The following NEBL variants were observed in gnomAD, a reference collection of about 807,000 sequenced individuals.
NEBL encodes nebulette.
A neutral mutation model predicts 140.2 loss-of-function variants in NEBL; 122 were observed. The ratio of observed to expected loss-of-function variants is 0.87; its 90% CI spans 0.75 to 1.01. The LOEUF (loss-of-function observed/expected upper bound fraction) is 1.01, where lower values mean the gene tolerates loss of function less well. Among genes scored for constraint, NEBL ranks in the 50% least tolerant of loss-of-function variants. The pLI is 0.00. For missense variants in NEBL, 1,365 were observed against 1,231.3 expected, an observed-to-expected ratio of 1.11 and a Z score of -1.62; for synonymous variants, 436 against 398.9, an observed-to-expected ratio of 1.09 and a Z score of -1.11.
intron 2 of NEBL, among the ~76,000 whole-genome samples, chr10:21,152,222 G>C (rs4748751): frequency 6.6e-6 from 1 of 152,064 alleles, no homozygotes; most frequent in East Asian, 1.9e-4. Context: ...ATTCTCTTTC[G>C]TGCTCATCTG....
At chr10:21,045,236 A>G (rs1047585782) in intron 2 of NEBL, among the ~76,000 whole-genome samples, 1 of 152,234 alleles carries the variant, frequency 6.6e-6, no homozygotes, top group African/African-American at 2.4e-5. Flanking sequence ...TAGAATCAAA[A>G]GAAAATGTAT....
intron 2 of NEBL, among the ~76,000 whole-genome samples, chr10:21,144,451 T>A (rs1268568760): frequency 6.6e-6 from 1 of 152,148 alleles, no homozygotes; most frequent in African/African-American, 2.4e-5. Context: ...TGGGGCCGGG[T>A]GCTGTGGCTC....
chr10:20,947,193 G>A (rs931087768), intron 4 of NEBL, among the ~76,000 whole-genome samples: 21 of 152,144 alleles, frequency 1.4e-4, no homozygotes, highest in Non-Finnish European at 4.4e-5. Context: ...GTCATATGTC[G>A]AAAACAAAAG....
intron 3 of NEBL, among the ~76,000 whole-genome samples, chr10:21,241,416 G>T (rs897923225): frequency 5.9e-5 from 9 of 152,116 alleles, no homozygotes; most frequent in African/African-American, 2.2e-4. Context: ...TGGCTGTTCT[G>T]CTTCCTGTAG....
chr10:21,137,711 T>C (rs917543877), intron 2 of NEBL, among the ~76,000 whole-genome samples: 1 of 151,978 alleles, frequency 6.6e-6, no homozygotes, highest in Non-Finnish European at 1.5e-5. Context: ...AGCAGAAGGA[T>C]TGCTTCAGGC....
intron 24 of NEBL, 97 bp downstream of exon 24, chr10:20,812,672 G>A (rs993127938): frequency 3.2e-5 from 46 of 1,435,570 alleles, no homozygotes; most frequent in Admixed American, 1.7e-4. Context: ...ACCAACATGT[G>A]ATGAGGAGTC....
intron 3 of NEBL, among the ~76,000 whole-genome samples, chr10:20,963,257 C>T (rs1836142525): frequency 6.6e-6 from 1 of 152,164 alleles, no homozygotes; most frequent in African/African-American, 2.4e-5. Flanking sequence ...CATGCTGGCA[C>T]ATTCTCAGCG....
At chr10:20,886,671 TG>T (rs1377161636) in intron 4 of NEBL, among the ~76,000 whole-genome samples, 2 of 152,206 alleles carry the variant, frequency 1.3e-5, no homozygotes, top group Admixed American at 6.5e-5. Flanking sequence ...GTGCCGGCGC[TG>T]CCATTTACTG....
intron 2 of NEBL, among the ~76,000 whole-genome samples, chr10:21,145,931 T>G (rs1236387637): frequency 6.6e-6 from 1 of 152,164 alleles, no homozygotes; most frequent in Non-Finnish European, 1.5e-5. Flanking sequence ...TCGGGCCCAT[T>G]GGGCATCTAA....
intron 7 of NEBL, among the ~76,000 whole-genome samples, chr10:20,865,386 T>C (rs1002563810): frequency 6.6e-6 from 1 of 152,106 alleles, no homozygotes; most frequent in Non-Finnish European, 1.5e-5. Context: ...ATTTTACAAA[T>C]GAGGAAACAA....
At chr10:21,107,652 G>A (rs1837784266) in intron 2 of NEBL, among the ~76,000 whole-genome samples, 1 of 152,164 alleles carries the variant, frequency 6.6e-6, no homozygotes. Context: ...GTCTCTTCCA[G>A]GCTTTGGTAT....
intron 4 of NEBL, among the ~76,000 whole-genome samples, chr10:20,909,276 C>T (rs1446240829): frequency 2.0e-5 from 3 of 150,614 alleles, no homozygotes; most frequent in African/African-American, 7.4e-5. Flanking sequence ...TTAACAGTTC[C>T]TACCTCCCCA....
chr10:21,255,428 A>G (rs6482170), intron 1 of NEBL, among the ~76,000 whole-genome samples: 46,966 of 151,926 alleles, frequency 0.31, 8,959 homozygotes, highest in African/African-American at 0.54. Flanking sequence ...AAATCATTTG[A>G]CAAAGTATAA....
intron 1 of NEBL, among the ~76,000 whole-genome samples, chr10:21,278,838 CCTCCTCA>C: frequency 6.6e-6 from 1 of 152,228 alleles, no homozygotes; most frequent in South Asian, 2.1e-4. Context: ...TAGAATCAGG[CCTCCTCA>C]CTCCCCGCAA....
At chr10:21,107,497 C>T (rs188737739) in intron 2 of NEBL, among the ~76,000 whole-genome samples, 79 of 152,266 alleles carry the variant, frequency 5.2e-4, no homozygotes, top group Non-Finnish European at 7.9e-4. Context: ...TTGAATCAGC[C>T]TTGCATCCCA....
exon 1 of NEBL, chr10:21,174,051 G>A: frequency 1.8e-6 from 2 of 1,122,388 alleles, no homozygotes; most frequent in South Asian, 4.3e-5. Context: ...CGCAGGCGCT[G>A]GGTCTCGGCT....
intron 3 of NEBL, among the ~76,000 whole-genome samples, chr10:21,019,035 T>TC (rs1838674652): frequency 6.6e-6 from 1 of 150,724 alleles, no homozygotes; most frequent in Non-Finnish European, 1.5e-5. Context: ...CTCCCACCCC[T>TC]CCCCCCAGAA....
chr10:21,174,013 C>A (rs1841211291), exon 1 of NEBL: 9 of 1,162,740 alleles, frequency 7.7e-6, no homozygotes, highest in Non-Finnish European at 9.5e-6. Flanking sequence ...CGGGGCCTGG[C>A]GCCTGGGGCC....
chr10:20,873,667 T>C (rs557065149), intron 5 of NEBL, among the ~76,000 whole-genome samples: 1 of 152,314 alleles, frequency 6.6e-6, no homozygotes, highest in Non-Finnish European at 1.5e-5. Context: ...CGGTATGAAA[T>C]TTTTCAAACA....
Sources: allele counts gnomAD v4.1 joint callset (sites outside exome capture counted in the v4.1 genomes callset), GRCh38; gene constraint gnomAD v4.1.1; transcripts MANE v1.5; gene names NCBI Gene and HGNC (gene_info 2026-07-23, HGNC 2026-07-21).